The following MAN2A1 variants were observed in gnomAD, a reference collection of about 807,000 sequenced individuals.
The protein encoded by MAN2A1 is mannosidase alpha class 2A member 1.
In MAN2A1, 76 loss-of-function variants were observed where a neutral mutation model predicts 142.6. The ratio of observed to expected loss-of-function variants is 0.53; its 90% CI spans 0.44 to 0.65. The LOEUF (loss-of-function observed/expected upper bound fraction) is 0.65. Ranked by LOEUF, MAN2A1 falls within the 30% of genes least tolerant of loss-of-function variation. The probability of loss-of-function intolerance (pLI) is 0.00; values close to 1 mark genes in which losing one functional copy is unlikely to be tolerated. For missense variants in MAN2A1, 1,311 were observed against 1,365.1 expected, an observed-to-expected ratio of 0.96 and a Z score of 0.62; for synonymous variants, 559 against 473.2, an observed-to-expected ratio of 1.18 and a Z score of -2.35.
chr5:109,695,073 CCT>C (rs1433653176), intron 1 of MAN2A1, among the ~76,000 whole-genome samples: 3 of 152,174 alleles, frequency 2.0e-5, no homozygotes, highest in Non-Finnish European at 2.9e-5. Flanking sequence ...AGGATGGTGT[CCT>C]CTAACTCCTC....
At chr5:109,756,700 C>T (rs1293600656) in intron 5 of MAN2A1, among the ~76,000 whole-genome samples, 1 of 152,056 alleles carries the variant, frequency 6.6e-6, no homozygotes, top group African/African-American at 2.4e-5. Flanking sequence ...GTATCATGCC[C>T]GTGTAGAAAA....
intron 9 of MAN2A1, among the ~76,000 whole-genome samples, chr5:109,782,503 A>G (rs13157374): frequency 0.17 from 26,420 of 152,100 alleles, 3,294 homozygotes; most frequent in East Asian, 0.64. Context: ...GAGGCTCCCA[A>G]AGTTTTCTCT....
At position 109,864,851 on chromosome 5, in the gene MAN2A1, A is replaced by G. The variant is rs1755839173; in HGVS notation, c.3172-185A>G. ...AACATAATCTTACCTGGCTCAGTAC[A>G]AGTAGGAGAGAATGGTAGCAGGTGA... On this transcript the variant is annotated intron_variant, in intron 20 of 21. Coordinates refer to ENST00000261483, the MANE Select transcript of MAN2A1 (RefSeq NM_002372.4). 29 of 600,106 alleles carry G rather than the reference A, an allele frequency of 4.8e-5. 1 individual carries two copies. In the South Asian group the frequency reaches 5.7e-4, roughly 12 times the overall value. 37.2% of individuals were successfully genotyped at this position (600,106 alleles called of 1,614,324 possible).
chr5:109,701,312 G>A (rs1018743795), intron 1 of MAN2A1, among the ~76,000 whole-genome samples: 1 of 152,198 alleles, frequency 6.6e-6, no homozygotes, highest in Non-Finnish European at 1.5e-5. Flanking sequence ...AAAATTGCTA[G>A]TGTAAAGTAC....
At chr5:109,720,241 TC>T (rs1751563359) in intron 3 of MAN2A1, among the ~76,000 whole-genome samples, 1 of 152,152 alleles carries the variant, frequency 6.6e-6, no homozygotes, top group Non-Finnish European at 1.5e-5. Context: ...TAGAAAATAA[TC>T]CCCCTTGTGG....
At chr5:109,690,760 T>TGCGGCGGCG (rs888676063) in intron 1 of MAN2A1, among the ~76,000 whole-genome samples, 5 of 151,880 alleles carry the variant, frequency 3.3e-5, no homozygotes, top group African/African-American at 1.2e-4. Context: ...CTGGGCGGCG[T>TGCGGCGGCG]GCGGCGGCGG....
At chr5:109,861,682 C>G (rs1427653152) in intron 20 of MAN2A1, among the ~76,000 whole-genome samples, 2 of 152,174 alleles carry the variant, frequency 1.3e-5, no homozygotes, top group African/African-American at 4.8e-5. Context: ...GGGCACACAG[C>G]CAGTAATGTG....
chr5:109,705,639 A>G (rs1331607672), intron 1 of MAN2A1, among the ~76,000 whole-genome samples: 1 of 152,228 alleles, frequency 6.6e-6, no homozygotes, highest in Admixed American at 6.5e-5. Flanking sequence ...TGCTGCTATC[A>G]CCACAAACTT....
chr5:109,757,088 T>C (rs1452061465), intron 5 of MAN2A1, among the ~76,000 whole-genome samples: 1 of 152,220 alleles, frequency 6.6e-6, no homozygotes, highest in East Asian at 1.9e-4. Context: ...TTACTCTGTA[T>C]GCTTTTTCCT....
chr5:109,791,687 T>C (rs188803467), intron 12 of MAN2A1, among the ~76,000 whole-genome samples: 3 of 152,188 alleles, frequency 2.0e-5, no homozygotes, highest in African/African-American at 7.2e-5. Context: ...GAAGAAAATC[T>C]TACTCTTTTT....
intron 5 of MAN2A1, among the ~76,000 whole-genome samples, chr5:109,765,945 T>A: frequency 6.6e-6 from 1 of 152,100 alleles, no homozygotes; most frequent in East Asian, 1.9e-4. Context: ...GAATAAGCTA[T>A]TTCTTTCAGG....
intron 19 of MAN2A1, among the ~76,000 whole-genome samples, chr5:109,851,394 G>T (rs1755477889): frequency 6.6e-6 from 1 of 152,226 alleles, no homozygotes; most frequent in Non-Finnish European, 1.5e-5. Context: ...AATGTTGGGA[G>T]TGGGACCTTT....
chr5:109,820,340 A>C lies in MAN2A1; in HGVS notation c.2449A>C (p.Lys817Gln). Reference protein sequence around the residue: ...AYLFLPDGNAKPYVYTTPPFV... With the variant: ...AYLFLPDGNAQPYVYTTPPFV... ...CCTCTTCTTACCTGATGGTAATGCC[A>C]AGGTAAGTGGTACTGATGAGATGAC... Residue 817 changes from lysine to glutamine, a missense_variant and splice_region_variant, in exon 15 of 22, where the codon AAG (lysine) becomes CAG (glutamine). Physicochemically the swap from Lys to Gln is moderately conservative, Grantham distance 53. Coordinates refer to ENST00000261483, the MANE Select transcript of MAN2A1 (RefSeq NM_002372.4). 6.2e-7 allele frequency: 1 copy of C among 1,612,542 alleles called. No individual in the cohort carries two copies.
At chr5:109,731,239 GT>G (rs1751898017) in intron 4 of MAN2A1, among the ~76,000 whole-genome samples, 1 of 149,890 alleles carries the variant, frequency 6.7e-6, no homozygotes, top group South Asian at 2.1e-4. Flanking sequence ...TCCTCTTTTA[GT>G]TATTTTGAAA....
intron 20 of MAN2A1, among the ~76,000 whole-genome samples, chr5:109,861,349 A>C (rs75653846): frequency 0.034 from 5,182 of 152,252 alleles, 320 homozygotes; most frequent in African/African-American, 0.12. Flanking sequence ...ATGAGGTAAA[A>C]ACATTGCCAG....
chr5:109,751,523 C>A (rs1561493211), intron 4 of MAN2A1, among the ~76,000 whole-genome samples: 1 of 151,660 alleles, frequency 6.6e-6, no homozygotes, highest in Non-Finnish European at 1.5e-5. Flanking sequence ...TTGAGTTTTT[C>A]CCAGTAGTGG....
intron 4 of MAN2A1, among the ~76,000 whole-genome samples, chr5:109,734,606 T>C (rs1228731167): frequency 6.6e-6 from 1 of 152,182 alleles, no homozygotes; most frequent in Non-Finnish European, 1.5e-5. Flanking sequence ...ACATCTTTAT[T>C]TCTGCCTTCA....
chr5:109,728,027 G>T (rs1316495132), intron 3 of MAN2A1, among the ~76,000 whole-genome samples: 1 of 152,174 alleles, frequency 6.6e-6, no homozygotes, highest in Non-Finnish European at 1.5e-5. Flanking sequence ...AAGTGCCCCA[G>T]ATCAAGAAAG....
intron 6 of MAN2A1, among the ~76,000 whole-genome samples, chr5:109,768,470 T>C (rs1283660280): frequency 6.6e-6 from 1 of 152,196 alleles, no homozygotes; most frequent in Non-Finnish European, 1.5e-5. Context: ...ATATAGGTCA[T>C]GCATAGAGAG....
Sources: allele counts gnomAD v4.1 joint callset (sites outside exome capture counted in the v4.1 genomes callset), GRCh38; gene constraint gnomAD v4.1.1; transcripts MANE v1.5; gene names NCBI Gene and HGNC (gene_info 2026-07-23, HGNC 2026-07-21).